Variants in CCNY observed in about 807,000 individuals in gnomAD.
CCNY encodes cyclin-Y.
In CCNY, 19 loss-of-function variants were observed where a neutral mutation model predicts 42.8. The ratio of observed to expected loss-of-function variants is 0.44; its 90% CI spans 0.31 to 0.65. The LOEUF (loss-of-function observed/expected upper bound fraction) is 0.65. CCNY is among the 30% of genes least tolerant of loss of function. CCNY has a pLI of 0.07. For missense variants in CCNY, 370 were observed against 437.3 expected, an observed-to-expected ratio of 0.85 and a Z score of 1.37; for synonymous variants, 165 against 162.7, an observed-to-expected ratio of 1.01 and a Z score of -0.11.
At chr10:35,387,922 C>A (rs746718441) in intron 1 of CCNY, among the ~76,000 whole-genome samples, 3 of 152,146 alleles carry the variant, frequency 2.0e-5, no homozygotes, top group Non-Finnish European at 4.4e-5. Context: ...TCCCCTCTGG[C>A]CTTAGTTCTT....
Position 35,570,169 on chromosome 10 carries a change from T to A in CCNY, c.*999T>A, listed in dbSNP as rs922761940. On this transcript the variant is annotated 3_prime_UTR_variant, in exon 10 of 10. Coordinates refer to ENST00000374704, the MANE Select transcript of CCNY (RefSeq NM_145012.6). ...AGCAATATTCTTCTCAATTTTTATATGTTTACTTTAAATCAAAGTTAGTCT... is the reference window on the plus strand; with the variant it reads ...AGCAATATTCTTCTCAATTTTTATAAGTTTACTTTAAATCAAAGTTAGTCT... The A allele has an allele frequency of 2.0e-5, 3 of 152,750 alleles. No individual in the cohort carries two copies. Among genetic ancestry groups the A allele is most frequent in the Admixed American group, 6.5e-5 (1 of 15,290 alleles). The allele number at this position is 152,750 out of a possible 1,614,324, so 9.5% of individuals were successfully genotyped here.
At chr10:35,562,098 T>TA (rs937357657) in intron 8 of CCNY, among the ~76,000 whole-genome samples, 4 of 152,206 alleles carry the variant, frequency 2.6e-5, no homozygotes, top group Admixed American at 6.5e-5. Flanking sequence ...AAAATACTGT[T>TA]AAAAAAAATT....
chr10:35,478,378 A>C (rs1172171112), intron 1 of CCNY, among the ~76,000 whole-genome samples: 3 of 151,834 alleles, frequency 2.0e-5, no homozygotes, highest in Non-Finnish European at 4.4e-5. Context: ...ACACTACCTG[A>C]CTTCAAACTA....
intron 3 of CCNY, among the ~76,000 whole-genome samples, chr10:35,277,697 C>G (rs1835254636): frequency 6.6e-6 from 1 of 152,124 alleles, no homozygotes; most frequent in Admixed American, 6.6e-5. Flanking sequence ...ACTGCAACAG[C>G]CAGTGCATCC....
At chr10:35,312,874 C>A (rs770257567) in intron 3 of CCNY, among the ~76,000 whole-genome samples, 4 of 151,500 alleles carry the variant, frequency 2.6e-5, no homozygotes, top group Non-Finnish European at 5.9e-5. Context: ...GCCTTGCCTC[C>A]TAAAATGCCA....
intron 1 of CCNY, among the ~76,000 whole-genome samples, chr10:35,468,934 GT>G (rs1281964523): frequency 1.3e-5 from 2 of 152,170 alleles, no homozygotes; most frequent in African/African-American, 4.8e-5. Flanking sequence ...CTTAATTCAG[GT>G]TTTTGCTAAG....
chr10:35,263,041 A>C lies in CCNY; in HGVS notation c.-9+12415A>C, dbSNP rs572252243. On this transcript the variant is annotated intron_variant, in intron 3 of 11. Transcript: ENST00000374706. Reference sequence around the variant, plus strand: ...AAGACCAGCCTGACTGAGCAATATAATGAGACCCTGTCTCTACAAAAAATT... The same window carrying C: ...AAGACCAGCCTGACTGAGCAATATACTGAGACCCTGTCTCTACAAAAAATT... Among the ~76,000 whole-genome samples, 158 of 152,172 alleles carry C rather than the reference A, an allele frequency of 1.0e-3. 1 individual carries two copies. Among genetic ancestry groups the C allele is most frequent in the African/African-American group, 3.6e-3 (149 of 41,536 alleles).
chr10:35,423,318 T>G (rs2135266520), intron 1 of CCNY, among the ~76,000 whole-genome samples: 1 of 152,126 alleles, frequency 6.6e-6, no homozygotes, highest in Non-Finnish European at 1.5e-5. Flanking sequence ...CTACAAAACA[T>G]GCAAAAATCA....
intron 1 of CCNY, among the ~76,000 whole-genome samples, chr10:35,247,577 CCT>C (rs2095708936): frequency 6.6e-6 from 1 of 150,550 alleles, no homozygotes; most frequent in Non-Finnish European, 1.5e-5. Flanking sequence ...CAGAGTGAGA[CCT>C]TGTCTCTAGA....
At chr10:35,409,898 TA>T (rs1589101410) in intron 1 of CCNY, among the ~76,000 whole-genome samples, 1 of 152,068 alleles carries the variant, frequency 6.6e-6, no homozygotes, top group East Asian at 1.9e-4. Context: ...ACACATGTGT[TA>T]CCATGCCTGG....
chr10:35,284,120 A>AACG (rs1268019422), intron 3 of CCNY, among the ~76,000 whole-genome samples: 1 of 152,134 alleles, frequency 6.6e-6, no homozygotes, highest in Non-Finnish European at 1.5e-5. Context: ...AAAATAGCTT[A>AACG]ATTGAGGTAT....
At chr10:35,548,726 C>T (rs943514894) in intron 7 of CCNY, among the ~76,000 whole-genome samples, 16 of 151,894 alleles carry the variant, frequency 1.1e-4, no homozygotes, top group Admixed American at 2.6e-4. Context: ...GCTGTGGAAG[C>T]GAAAGAGGTG....
rs543425354 is a variant in CCNY, at chr10:35,376,045, G to A, written c.154+38838G>A. Among the ~76,000 whole-genome samples, 13 of 152,264 alleles carry A rather than the reference G, an allele frequency of 8.5e-5. No individual in the cohort carries two copies. In the East Asian group the frequency reaches 1.5e-3, roughly 18 times the overall value. ...CGTGCCTTGGAAGCTCTGAGGGGTC[G>A]TGGCTCAGGTATTCTGTCTCTAAGC... On this transcript the variant is annotated intron_variant, in intron 1 of 9. Transcript: ENST00000374704.
At chr10:35,543,972 TAAAG>T (rs1841058447) in intron 7 of CCNY, among the ~76,000 whole-genome samples, 1 of 152,212 alleles carries the variant, frequency 6.6e-6, no homozygotes, top group Non-Finnish European at 1.5e-5. Context: ...AATAAGGATA[TAAAG>T]AGAGAAAATA....
intron 1 of CCNY, among the ~76,000 whole-genome samples, chr10:35,359,013 A>C (rs1209885773): frequency 6.6e-6 from 1 of 152,210 alleles, no homozygotes; most frequent in Non-Finnish European, 1.5e-5. Flanking sequence ...CTGGAGGGTC[A>C]TAAGGTGTTC....
intron 1 of CCNY, among the ~76,000 whole-genome samples, chr10:35,418,086 A>G (rs573204964): frequency 6.6e-6 from 1 of 152,372 alleles, no homozygotes; most frequent in South Asian, 2.1e-4. Flanking sequence ...TATGCTGCAA[A>G]GTAGAAACTG....
At chr10:35,457,093 T>G (rs774699009) in intron 1 of CCNY, among the ~76,000 whole-genome samples, 82 of 152,372 alleles carry the variant, frequency 5.4e-4, no homozygotes, top group Admixed American at 1.0e-3. Flanking sequence ...TGTTACAGAT[T>G]GGTTCCACTG....
chr10:35,325,021 A>C (rs947312359), intron 3 of CCNY, among the ~76,000 whole-genome samples: 1 of 152,264 alleles, frequency 6.6e-6, no homozygotes, highest in Non-Finnish European at 1.5e-5. Context: ...TACTATAAAA[A>C]TATAGAGAAT....
At chr10:35,509,965 C>A (rs1385659740) in intron 3 of CCNY, among the ~76,000 whole-genome samples, 4 of 152,164 alleles carry the variant, frequency 2.6e-5, no homozygotes, top group Non-Finnish European at 2.9e-5. Flanking sequence ...GCAACCCAGC[C>A]TCCCCTCCAC....
Sources: allele counts gnomAD v4.1 joint callset (sites outside exome capture counted in the v4.1 genomes callset), GRCh38; gene constraint gnomAD v4.1.1; transcripts MANE v1.5; gene names NCBI Gene and HGNC (gene_info 2026-07-23, HGNC 2026-07-21).